PAK5: variants seen among roughly 807,000 people sequenced by gnomAD.
PAK5 encodes serine/threonine-protein kinase PAK 5.
In PAK5, 16 loss-of-function variants were observed where a neutral mutation model predicts 65.9. That is an observed-to-expected ratio of 0.24 (90% CI 0.16 to 0.37). PAK5 has a LOEUF of 0.37. Ranked by LOEUF, PAK5 falls within the 10% of genes least tolerant of loss-of-function variation. PAK5 has a pLI of 1.00. For missense variants in PAK5, 785 were observed against 903.9 expected (o/e 0.87, Z 1.69); for synonymous variants, 371 against 354.9 (o/e 1.05, Z -0.51).
At chr20:9,738,248 A>C (rs572685909) in intron 1 of PAK5, among the ~76,000 whole-genome samples, 1 of 152,276 alleles carries the variant, frequency 6.6e-6, no homozygotes, top group East Asian at 1.9e-4. Flanking sequence ...ACTTTGGAAA[A>C]CAGTTTGGCA....
In PAK5 at chr20:9,580,814, G is replaced by GC. The variant is rs780878150; in HGVS notation, c.320_321insG (p.Asp109ArgfsTer32). The GC allele has an allele frequency of 4.9e-5, 79 of 1,613,846 alleles. No individual in the cohort carries two copies. Among genetic ancestry groups the GC allele is most frequent in the Non-Finnish European group, 3.8e-5 (45 of 1,179,974 alleles). On this transcript the variant is annotated frameshift_variant, in exon 4 of 10. Transcript: ENST00000353224. LOFTEE classifies it high-confidence loss of function. Reference sequence around the variant, plus strand: ...CGTGGCTGGAGGCTCCCTGATCTGGGGTGGGTGGGCTTTCTTTCCTTAGGG... The same window carrying GC: ...CGTGGCTGGAGGCTCCCTGATCTGGGCGTGGGTGGGCTTTCTTTCCTTAGGG...
chr20:9,691,723 A>G (rs539799998), intron 2 of PAK5, among the ~76,000 whole-genome samples: 2 of 152,308 alleles, frequency 1.3e-5, no homozygotes, highest in Non-Finnish European at 2.9e-5. Context: ...ATGTACTCCA[A>G]TAAAAGTCCC....
chr20:9,709,872 T>C (rs2048057113), intron 2 of PAK5, among the ~76,000 whole-genome samples: 2 of 152,160 alleles, frequency 1.3e-5, no homozygotes, highest in Admixed American at 6.6e-5. Context: ...GGTCATTGCA[T>C]ACATTTCTTT....
At chr20:9,785,196 A>C (rs2048980270) in intron 1 of PAK5, among the ~76,000 whole-genome samples, 1 of 152,186 alleles carries the variant, frequency 6.6e-6, no homozygotes. Context: ...TTAGGTAAGG[A>C]TGTAGAATAT....
At chr20:9,602,403 T>G (rs2046378273) in intron 3 of PAK5, among the ~76,000 whole-genome samples, 1 of 152,134 alleles carries the variant, frequency 6.6e-6, no homozygotes, top group African/African-American at 2.4e-5. Context: ...CCATACAACC[T>G]AGGGAATAAT....
chr20:9,629,020 C>A (rs2123219056), intron 3 of PAK5, among the ~76,000 whole-genome samples: 1 of 152,316 alleles, frequency 6.6e-6, no homozygotes, highest in Non-Finnish European at 1.5e-5. Context: ...TGTTCATCAA[C>A]AAACCAGGCT....
At chr20:9,757,111 C>G (rs1337848209) in intron 1 of PAK5, among the ~76,000 whole-genome samples, 1 of 152,082 alleles carries the variant, frequency 6.6e-6, no homozygotes, top group African/African-American at 2.4e-5. Flanking sequence ...CTTTCCCTAC[C>G]CTGTCTCATT....
intron 1 of PAK5, among the ~76,000 whole-genome samples, chr20:9,737,191 A>G (rs1287500310): frequency 6.6e-6 from 1 of 152,152 alleles, no homozygotes; most frequent in Non-Finnish European, 1.5e-5. Context: ...TAAATGGTCT[A>G]TACACCCCAT....
intron 9 of PAK5, among the ~76,000 whole-genome samples, chr20:9,542,268 T>A (rs1056155408): frequency 2.0e-5 from 3 of 152,190 alleles, no homozygotes; most frequent in Admixed American, 2.0e-4. Context: ...AGCTATTAGA[T>A]GTCCCCAGCA....
chr20:9,611,308 C>G (rs769690383), intron 3 of PAK5, among the ~76,000 whole-genome samples: 1 of 152,184 alleles, frequency 6.6e-6, no homozygotes, highest in Middle Eastern at 3.2e-3. Context: ...TGCCCAAAAA[C>G]AGAACATAAA....
intron 1 of PAK5, among the ~76,000 whole-genome samples, chr20:9,809,285 C>A (rs544159199): frequency 1.3e-5 from 2 of 150,256 alleles, no homozygotes; most frequent in Non-Finnish European, 2.9e-5. Flanking sequence ...GCAAAATGAA[C>A]AATTCAGTTA....
chr20:9,762,537 C>T (rs1304705166), intron 1 of PAK5, among the ~76,000 whole-genome samples: 5 of 152,016 alleles, frequency 3.3e-5, no homozygotes, highest in Non-Finnish European at 7.4e-5. Flanking sequence ...CTCTAATCAT[C>T]AGAGAAAAGC....
In PAK5 at chr20:9,684,247, T is replaced by A. The variant is rs543532592; in HGVS notation, c.-12+27039A>T. ...AAATAAACTGTTTGGGCTCAGATTA[T>A]GGTTCTGCCACTTACACTAGTTATG... On this transcript the variant is annotated intron_variant, in intron 2 of 9. Coordinates refer to ENST00000353224, the MANE Select transcript of PAK5 (RefSeq NM_177990.4). Among the ~76,000 whole-genome samples, 88 of 152,332 alleles carry A rather than the reference T, an allele frequency of 5.8e-4. No individual in the cohort carries two copies. The South Asian group carries it at 7.0e-3, about 12-fold the overall frequency.
intron 9 of PAK5, among the ~76,000 whole-genome samples, chr20:9,541,484 A>G (rs879431558): frequency 5.3e-5 from 8 of 152,146 alleles, no homozygotes; most frequent in Non-Finnish European, 1.2e-4. Flanking sequence ...GCTCCTGCCC[A>G]TCTCTCTGAC....
intron 1 of PAK5, among the ~76,000 whole-genome samples, chr20:9,747,392 T>C (rs2123605291): frequency 6.6e-6 from 1 of 151,744 alleles, no homozygotes; most frequent in East Asian, 1.9e-4. Flanking sequence ...AAAAAGAGAA[T>C]CTTAGACCAA....
intron 1 of PAK5, among the ~76,000 whole-genome samples, chr20:9,732,753 C>T (rs2048347762): frequency 6.6e-6 from 1 of 152,168 alleles, no homozygotes; most frequent in Non-Finnish European, 1.5e-5. Flanking sequence ...CTCTTTCTCT[C>T]ACTCCATCCT....
chr20:9,571,388 C>T (rs1481130427), intron 4 of PAK5, among the ~76,000 whole-genome samples: 1 of 152,208 alleles, frequency 6.6e-6, no homozygotes, highest in East Asian at 1.9e-4. Flanking sequence ...AACTGAATCC[C>T]ATTTTGTGGT....
intron 7 of PAK5, among the ~76,000 whole-genome samples, chr20:9,554,099 A>C (rs1347812726): frequency 6.6e-6 from 1 of 152,200 alleles, no homozygotes; most frequent in African/African-American, 2.4e-5. Context: ...TTCAAACAGG[A>C]AGAGAACCCA....
intron 1 of PAK5, among the ~76,000 whole-genome samples, chr20:9,828,146 T>C: frequency 6.6e-6 from 1 of 152,170 alleles, no homozygotes; most frequent in East Asian, 1.9e-4. Context: ...AGTTGCAATT[T>C]AGATACTGCT....
Sources: gnomAD v4.1 joint callset for allele counts (sites outside exome capture counted in the v4.1 genomes callset) on GRCh38, gnomAD v4.1.1 for gene constraint, MANE v1.5 for transcripts, NCBI Gene and HGNC (gene_info 2026-07-23, HGNC 2026-07-21) for gene names.